PSMG2: variants seen among roughly 807,000 people sequenced by gnomAD.
PSMG2 encodes the protein CD40 ligand-activated specific transcript 3.
In PSMG2, 21 loss-of-function variants were observed where a neutral mutation model predicts 31.5. The observed-to-expected ratio is 0.67, with a 90% confidence interval of 0.47 to 0.96. PSMG2 has a LOEUF of 0.96. Among genes scored for constraint, PSMG2 ranks in the 40% least tolerant of loss-of-function variants. PSMG2 has a pLI of 0.00. For synonymous variants in PSMG2, 120 were observed against 110.4 expected (o/e 1.09, Z -0.54); for missense variants, 318 against 321.2 (o/e 0.99, Z 0.08).
intron 1 of PSMG2, chr18:12,686,366 C>G: frequency 6.2e-7 from 1 of 1,614,028 alleles, no homozygotes; most frequent in Non-Finnish European, 8.5e-7. Flanking sequence ...ACAAATCTTG[C>G]TGCTTGCCTT....
At chr18:12,707,175 G>A (rs1936984406) in intron 2 of PSMG2, among the ~76,000 whole-genome samples, 1 of 152,096 alleles carries the variant, frequency 6.6e-6, no homozygotes, top group Non-Finnish European at 1.5e-5. Flanking sequence ...AGCCAGGATG[G>A]TCTCAATATT....
At chr18:12,659,751 C>T (rs2038656996) in intron 1 of PSMG2, among the ~76,000 whole-genome samples, 1 of 152,166 alleles carries the variant, frequency 6.6e-6, no homozygotes, top group Admixed American at 6.5e-5. Context: ...AGAGACAAAA[C>T]AACCCCTTAA....
intron 1 of PSMG2, among the ~76,000 whole-genome samples, chr18:12,704,432 A>G (rs1007419727): frequency 5.9e-5 from 9 of 151,894 alleles, no homozygotes; most frequent in Middle Eastern, 3.2e-3. Context: ...ACAAAAAAAT[A>G]AATAAAAATT....
At chr18:12,715,686 A>C (rs973879323) in intron 3 of PSMG2, among the ~76,000 whole-genome samples, 4 of 151,852 alleles carry the variant, frequency 2.6e-5, no homozygotes, top group African/African-American at 9.7e-5. Context: ...TTGTACTTTT[A>C]GTAGAGTTGG....
At chr18:12,724,220 C>T (rs991170483) in intron 5 of PSMG2, 3 of 319,266 alleles carry the variant, frequency 9.4e-6, no homozygotes, top group African/African-American at 6.4e-5. Flanking sequence ...TAGGTCAGAA[C>T]ATACCTTATC....
intron 2 of PSMG2, among the ~76,000 whole-genome samples, chr18:12,710,669 T>C (rs899048078): frequency 4.6e-5 from 7 of 152,230 alleles, no homozygotes; most frequent in African/African-American, 1.7e-4. Flanking sequence ...GTGTTTTCTG[T>C]AACTGGAGTT....
intron 1 of PSMG2, chr18:12,691,183 T>C (rs939536999): frequency 1.4e-5 from 6 of 438,534 alleles, no homozygotes; most frequent in Non-Finnish European, 3.9e-6. Context: ...AAGACATAGA[T>C]TGATCTTGCC....
At chr18:12,667,606 C>T (rs1340917379) in intron 1 of PSMG2, among the ~76,000 whole-genome samples, 3 of 149,786 alleles carry the variant, frequency 2.0e-5, no homozygotes, top group Non-Finnish European at 4.5e-5. Flanking sequence ...AGTAAAAATA[C>T]AAAAATTAGC....
intron 1 of PSMG2, among the ~76,000 whole-genome samples, chr18:12,692,772 G>C (rs1172363056): frequency 6.6e-6 from 1 of 152,178 alleles, no homozygotes; most frequent in Non-Finnish European, 1.5e-5. Flanking sequence ...CCAGTGTCTA[G>C]AACAGTGTCT....
At chr18:12,674,675 G>A (rs1212120613) in intron 1 of PSMG2, 2 of 1,613,938 alleles carry the variant, frequency 1.2e-6, no homozygotes, top group Non-Finnish European at 1.7e-6. Flanking sequence ...CTTGTTGTAC[G>A]CTCAAATTCA....
At chr18:12,689,927 T>C (rs1428836807) in intron 1 of PSMG2, among the ~76,000 whole-genome samples, 3 of 152,176 alleles carry the variant, frequency 2.0e-5, no homozygotes, top group Non-Finnish European at 4.4e-5. Context: ...TAACTGGGAT[T>C]ATAGGTGCCT....
intron 2 of PSMG2, 82 bp downstream of exon 2, chr18:12,706,803 T>A (rs1354777912): frequency 1.1e-5 from 16 of 1,412,308 alleles, no homozygotes; most frequent in Non-Finnish European, 1.5e-5. Flanking sequence ...GATAATTGTT[T>A]TGTAGCAAAT....
rs769651931 is a variant in PSMG2 at position 12,697,387 on chromosome 18, T to C, written c.-36-9163T>C. 3.7e-6 allele frequency: 6 copies of C among 1,610,570 alleles called. No individual in the cohort carries two copies. Among genetic ancestry groups the C allele is most frequent in the Admixed American group, 1.7e-5 (1 of 59,438 alleles). ...ACTTATTGATAACATTGTTGTTGAATCAGCCATTCTAGTTCCATCACCTAG... is the reference window on the plus strand; with the variant it reads ...ACTTATTGATAACATTGTTGTTGAACCAGCCATTCTAGTTCCATCACCTAG... On this transcript the variant is annotated intron_variant, in intron 1 of 6. Transcript: ENST00000585331.
At position 12,669,032 on chromosome 18, in the gene PSMG2, CTTTTTTTTTTTTTTT is replaced by C. The variant is rs71174122; in HGVS notation, c.-37+10271_-37+10285del. On this transcript the variant is annotated intron_variant, in intron 1 of 6. Transcript: ENST00000585331. ...GGCTTGAGCTACCGCACCCCCCGCA[CTTTTTTTTTTTTTTT>C]TTTTTTTTTTTGAGACAGAGTTTCA... 2.9e-3 allele frequency among the ~76,000 whole-genome samples: 123 copies of C among 41,954 alleles called. 2 individuals are homozygous for C. The highest frequency in any genetic ancestry group is 0.011 in the African/African-American group (117 of 10,542). 27.5% of individuals were successfully genotyped at this position (41,954 alleles called of 152,430 possible).
At chr18:12,721,649 C>G (rs910320673) in intron 5 of PSMG2, among the ~76,000 whole-genome samples, 2 of 151,748 alleles carry the variant, frequency 1.3e-5, no homozygotes, top group Non-Finnish European at 2.9e-5. Context: ...AAAGATTTGT[C>G]AGTTTTGTTT....
intron 1 of PSMG2, among the ~76,000 whole-genome samples, chr18:12,688,742 T>C (rs1020111171): frequency 2.6e-5 from 4 of 152,230 alleles, no homozygotes; most frequent in African/African-American, 9.6e-5. Context: ...TTAGTCATAA[T>C]AGCCACATTT....
chr18:12,697,755 T>TC (rs1431303486), intron 1 of PSMG2, among the ~76,000 whole-genome samples: 9 of 152,172 alleles, frequency 5.9e-5, no homozygotes, highest in African/African-American at 1.9e-4. Flanking sequence ...CCAAACTACC[T>TC]CAAGAAATCC....
chr18:12,725,130 T>G (rs2040464473), intron 6 of PSMG2, among the ~76,000 whole-genome samples: 1 of 152,210 alleles, frequency 6.6e-6, no homozygotes. Context: ...AATTCATGCT[T>G]TTGCCAAGAA....
chr18:12,703,235 T>A, intron 1 of PSMG2, 71 bp downstream of exon 1: 1 of 1,472,104 alleles, frequency 6.8e-7, no homozygotes, highest in Non-Finnish European at 9.2e-7. Context: ...CGACGCGGGG[T>A]GTTTGGCGGT....
Sources: allele counts gnomAD v4.1 joint callset (sites outside exome capture counted in the v4.1 genomes callset), GRCh38; gene constraint gnomAD v4.1.1; transcripts MANE v1.5; gene names NCBI Gene and HGNC (gene_info 2026-07-23, HGNC 2026-07-21).